The following SYNDIG1 variants were observed in gnomAD, a reference collection of about 807,000 sequenced individuals.
SYNDIG1 encodes the protein synapse differentiation inducing 1, also known as synapse differentiation-inducing gene protein 1.
In SYNDIG1, 9 loss-of-function variants were observed where a neutral mutation model predicts 19.4. That is an observed-to-expected ratio of 0.46 (90% CI 0.28 to 0.81). The LOEUF (loss-of-function observed/expected upper bound fraction) is 0.81, where lower values mean the gene tolerates loss of function less well. Ranked by LOEUF, SYNDIG1 falls within the 30% of genes least tolerant of loss-of-function variation. SYNDIG1 has a pLI of 0.12. For missense variants in SYNDIG1, 311 were observed against 343.3 expected (o/e 0.91, Z 0.74); for synonymous variants, 141 against 145.9 (o/e 0.97, Z 0.24).
chr20:24,539,901 C>G (rs1328364736), intron 1 of SYNDIG1, among the ~76,000 whole-genome samples: 1 of 152,122 alleles, frequency 6.6e-6, no homozygotes, highest in Non-Finnish European at 1.5e-5. Context: ...GCCTCGGCCT[C>G]ATGAGTAGCT....
intron 1 of SYNDIG1, among the ~76,000 whole-genome samples, chr20:24,470,781 G>A (rs563317151): frequency 6.6e-6 from 1 of 152,152 alleles, no homozygotes; most frequent in African/African-American, 2.4e-5. Context: ...TCCTTTGGGG[G>A]TTTCGTTGCA....
chr20:24,584,667 GC>G (rs1397241632), intron 2 of SYNDIG1, among the ~76,000 whole-genome samples, 188 bp from the exon 3 acceptor site: 1 of 152,184 alleles, frequency 6.6e-6, no homozygotes, highest in African/African-American at 2.4e-5. Flanking sequence ...CATTTCCTTG[GC>G]CTGGCTGCCC....
At chr20:24,590,465 C>T (rs1206664188) in intron 3 of SYNDIG1, among the ~76,000 whole-genome samples, 2 of 152,010 alleles carry the variant, frequency 1.3e-5, no homozygotes, top group Non-Finnish European at 1.5e-5. Flanking sequence ...TCCCGGGAGC[C>T]TTCAGAGAAC....
chr20:24,621,307 A>C (rs13038938), intron 3 of SYNDIG1, among the ~76,000 whole-genome samples: 21,848 of 152,206 alleles, frequency 0.14, 2,060 homozygotes, highest in Middle Eastern at 0.25. Context: ...TTGCTACTTA[A>C]GTAAATAACT....
intron 3 of SYNDIG1, among the ~76,000 whole-genome samples, chr20:24,621,706 A>G (rs1348424292): frequency 1.3e-5 from 2 of 152,184 alleles, no homozygotes; most frequent in Non-Finnish European, 2.9e-5. Flanking sequence ...CAGATCAGAG[A>G]ACATGTCCTT....
At chr20:24,611,834 G>A (rs938632197) in intron 3 of SYNDIG1, among the ~76,000 whole-genome samples, 1 of 152,204 alleles carries the variant, frequency 6.6e-6, no homozygotes, top group African/African-American at 2.4e-5. Context: ...TCTGGCCAGA[G>A]CCCTCTTGTT....
intron 3 of SYNDIG1, among the ~76,000 whole-genome samples, chr20:24,628,423 G>T (rs1389916956): frequency 6.6e-6 from 1 of 152,170 alleles, no homozygotes; most frequent in Non-Finnish European, 1.5e-5. Context: ...ATTGGTGTGT[G>T]GACCATCAAC....
intron 1 of SYNDIG1, among the ~76,000 whole-genome samples, chr20:24,487,288 A>G (rs1210712382): frequency 6.6e-6 from 1 of 152,218 alleles, no homozygotes; most frequent in African/African-American, 2.4e-5. Context: ...AATTTTTACC[A>G]TCCTTTTATT....
At chr20:24,652,185 G>A (rs139485336) in intron 3 of SYNDIG1, among the ~76,000 whole-genome samples, 175 of 152,342 alleles carry the variant, frequency 1.1e-3, no homozygotes, top group African/African-American at 4.1e-3. Context: ...GTTGCATCCA[G>A]GAAATGGGAT....
chr20:24,665,572 C>G lies in SYNDIG1; in HGVS notation c.*68C>G, dbSNP rs560015888. 6.3e-7 allele frequency: 1 copy of G among 1,599,346 alleles called. No individual in the cohort carries two copies. Among genetic ancestry groups the G allele is most frequent in the Non-Finnish European group, 8.5e-7 (1 of 1,171,630 alleles). On this transcript the variant is annotated 3_prime_UTR_variant, in exon 4 of 4. Coordinates refer to ENST00000376862, the MANE Select transcript of SYNDIG1 (RefSeq NM_024893.3). Reference sequence around the variant, plus strand: ...GTGGACGTGGAGGAAGCAGGCATACCGCATGATGCTGTACAGTACAAATGA... The same window carrying G: ...GTGGACGTGGAGGAAGCAGGCATACGGCATGATGCTGTACAGTACAAATGA...
chr20:24,580,106 G>C (rs555179000), intron 2 of SYNDIG1, among the ~76,000 whole-genome samples: 105 of 152,168 alleles, frequency 6.9e-4, no homozygotes, highest in Non-Finnish European at 1.3e-3. Context: ...ATGAATTGCA[G>C]ACTCCTTCGC....
At chr20:24,629,868 GC>G (rs1353894875) in intron 3 of SYNDIG1, among the ~76,000 whole-genome samples, 1 of 152,202 alleles carries the variant, frequency 6.6e-6, no homozygotes, top group Admixed American at 6.5e-5. Context: ...ATTATCAGCT[GC>G]CGAGATAACT....
intron 3 of SYNDIG1, among the ~76,000 whole-genome samples, chr20:24,601,880 C>A (rs982131766): frequency 1.3e-5 from 2 of 151,996 alleles, no homozygotes; most frequent in Non-Finnish European, 1.5e-5. Context: ...TTGGAAATGC[C>A]TTTTTATTAC....
chr20:24,626,064 G>A (rs1414579024), intron 3 of SYNDIG1, among the ~76,000 whole-genome samples: 10 of 149,686 alleles, frequency 6.7e-5, no homozygotes, highest in East Asian at 2.0e-4. Context: ...CCTCCCTCCC[G>A]GACAGGGTGG....
At chr20:24,503,529 C>T (rs140823429) in intron 1 of SYNDIG1, among the ~76,000 whole-genome samples, 6 of 152,250 alleles carry the variant, frequency 3.9e-5, no homozygotes, top group Admixed American at 6.5e-5. Flanking sequence ...TGCTCTGATA[C>T]GGGATGCAGA....
rs6036835 is a variant in SYNDIG1, at chr20:24,547,646, C to T, written c.480+4069C>T. 1.2e-3 allele frequency among the ~76,000 whole-genome samples: 184 copies of T among 152,224 alleles called. 1 individual carries two copies. The highest frequency in any genetic ancestry group is 4.3e-3 in the African/African-American group (177 of 41,546). On this transcript the variant is annotated intron_variant, in intron 2 of 3. Transcript: ENST00000376862. ...GGTAGTGATAATTGGGCCTGATGTCCGACAGCCCAGGCCTCTTCCCAGGTA... is the reference window on the plus strand; with the variant it reads ...GGTAGTGATAATTGGGCCTGATGTCTGACAGCCCAGGCCTCTTCCCAGGTA...
At chr20:24,531,958 T>C (rs1206429247) in intron 1 of SYNDIG1, among the ~76,000 whole-genome samples, 1 of 152,198 alleles carries the variant, frequency 6.6e-6, no homozygotes, top group African/African-American at 2.4e-5. Flanking sequence ...CATTGGTGGG[T>C]AACAGAGGCT....
At chr20:24,557,885 A>G (rs4815277) in intron 2 of SYNDIG1, among the ~76,000 whole-genome samples, 121,633 of 152,156 alleles carry the variant, frequency 0.8, 48,829 homozygotes, top group African/African-American at 0.84. Context: ...CGCTCATGCT[A>G]GGAGCTGTAG....
chr20:24,657,916 T>G (rs945240461), intron 3 of SYNDIG1, among the ~76,000 whole-genome samples: 2 of 152,146 alleles, frequency 1.3e-5, no homozygotes, highest in African/African-American at 4.8e-5. Context: ...ACACCCATGG[T>G]GGAATACATT....
Sources: gnomAD v4.1 joint callset for allele counts (sites outside exome capture counted in the v4.1 genomes callset) on GRCh38, gnomAD v4.1.1 for gene constraint, MANE v1.5 for transcripts, NCBI Gene and HGNC (gene_info 2026-07-23, HGNC 2026-07-21) for gene names.